CNOT11: variants seen among roughly 807,000 people sequenced by gnomAD.
The protein encoded by CNOT11 is CCR4-NOT transcription complex subunit 11.
In CNOT11, 18 loss-of-function variants were observed where a neutral mutation model predicts 44.6. The observed-to-expected ratio is 0.40, with a 90% CI of 0.28 to 0.60. CNOT11 has a LOEUF of 0.60. CNOT11 is among the 20% of genes least tolerant of loss of function. CNOT11 has a pLI of 0.38. For missense variants in CNOT11, 513 were observed against 677.0 expected (o/e 0.76, Z 2.69); for synonymous variants, 291 against 270.9 (o/e 1.07, Z -0.73).
chr2:101,267,319 C>T (rs1423971385), intron 5 of CNOT11, among the ~76,000 whole-genome samples: 7 of 151,998 alleles, frequency 4.6e-5, no homozygotes, highest in African/African-American at 9.7e-5. Context: ...GACGGGGTTT[C>T]GCCATGTTGG....
Position 101,269,313 on chromosome 2 carries a change from G to T in CNOT11, c.1433G>T (p.Cys478Phe). ...TTGTTTATAGAAGTGCAGGCATTCTGTATTGAATTCAGTAGGATACGAGAA... is the reference window on the plus strand; with the variant it reads ...TTGTTTATAGAAGTGCAGGCATTCTTTATTGAATTCAGTAGGATACGAGAA... ...QDLFIEVQAF[C>F]IEFSRIREAA... The change falls in exon 7 of 7, where the codon TGT becomes TTT. Residue 478 changes from cysteine to phenylalanine, a missense_variant. Around this residue, in one of 4 missense-constraint regions of CNOT11, gnomAD observed 87 missense variants for 185.4 expected, o/e 0.47. Transcript: ENST00000289382. This position sits in a 1 kb window ranked among gnomAD's most constrained non-coding sequence, Gnocchi z 4.8. 1 of 1,613,814 alleles carries T rather than the reference G, an allele frequency of 6.2e-7. No homozygotes were observed. The highest frequency in any genetic ancestry group is 8.5e-7 in the Non-Finnish European group (1 of 1,179,902).
intron 2 of CNOT11, among the ~76,000 whole-genome samples, chr2:101,261,932 C>T (rs1372729693): frequency 6.1e-5 from 9 of 148,104 alleles, no homozygotes; most frequent in East Asian, 2.0e-4. Context: ...CTGCAAGCTC[C>T]GCCTCCCGGG....
chr2:101,255,272 G>T (rs1681712711), intron 1 of CNOT11, among the ~76,000 whole-genome samples: 1 of 151,966 alleles, frequency 6.6e-6, no homozygotes, highest in African/African-American at 2.4e-5. Context: ...GAGGCGGGCG[G>T]ATCACAAGGT....
At chr2:101,263,036 A>T (rs1230841345) in intron 3 of CNOT11, among the ~76,000 whole-genome samples, 1 of 152,174 alleles carries the variant, frequency 6.6e-6, no homozygotes, top group Non-Finnish European at 1.5e-5. Flanking sequence ...AGCCTGGCCA[A>T]CATGGTGAAA....
chr2:101,261,832 GTTTC>G lies in CNOT11; in HGVS notation c.680-695_680-692del, dbSNP rs1349841606. On this transcript the variant is annotated intron_variant, in intron 2 of 6. Coordinates refer to ENST00000289382, the MANE Select transcript of CNOT11 (RefSeq NM_017546.5). ...GTTACTAGTCCATTTTTTCCTGTTGGTTTCTTTCTTTCTTTTTTTTTTTTTTTTT... is the reference window on the plus strand; with the variant it reads ...GTTACTAGTCCATTTTTTCCTGTTGGTTTCTTTCTTTTTTTTTTTTTTTTT... Among the ~76,000 whole-genome samples the G allele has an allele frequency of 1.1e-4, 15 of 138,474 alleles. No individual in the cohort carries two copies. In the South Asian group the frequency reaches 1.4e-3, roughly 13 times the overall value. 90.8% of individuals were successfully genotyped at this position (138,474 alleles called of 152,430 possible).
At position 101,269,228 on chromosome 2, in the gene CNOT11, C is replaced by T; in HGVS notation, c.1348C>T (p.Arg450Cys). The stretch of plus-strand genomic sequence containing the variant: ...TTTCCTTTTTCAGAATCGGTTGGTG[C>T]GTCTTGTGTGTGTGTTTCTCCAATC... ...KDKYMQNRLV[R>C]LVCVFLQSLI... is the part of the protein sequence containing the mutation. Residue 450 changes from arginine (R) to cysteine (C), a missense_variant, in exon 7 of 7, where the codon CGT (arginine) becomes TGT (cysteine). Physicochemically the swap from Arg to Cys is radical, Grantham distance 180 (BLOSUM62 -3). Transcript: ENST00000289382. This position sits in a 1 kb window ranked among gnomAD's most constrained non-coding sequence, Gnocchi z 4.8. The T allele has an allele frequency of 1.9e-6, 3 of 1,611,768 alleles. No individual in the cohort carries two copies. The highest frequency in any genetic ancestry group is 1.7e-6 in the Non-Finnish European group (2 of 1,179,022).
chr2:101,263,373 A>G (rs1370501127), intron 3 of CNOT11, among the ~76,000 whole-genome samples: 1 of 152,206 alleles, frequency 6.6e-6, no homozygotes, highest in Non-Finnish European at 1.5e-5. Flanking sequence ...CTTTAATTCA[A>G]AGAAAACACT....
chr2:101,263,896 ACT>A (rs1220545870), intron 3 of CNOT11, among the ~76,000 whole-genome samples: 2 of 152,202 alleles, frequency 1.3e-5, no homozygotes, highest in African/African-American at 4.8e-5. Context: ...CCTCGCAAGA[ACT>A]CTCTATCACA....
rs184429797 is a variant in CNOT11, at chr2:101,265,055, T to C, written c.1035+8T>C. ...TCTCCCCAACAAACACAGGTGTGTA[T>C]TGATTGTAAGCATTTTCTTATCTTT... On this transcript the variant is annotated splice_region_variant and intron_variant, in intron 4 of 6. Coordinates refer to ENST00000289382, the MANE Select transcript of CNOT11 (RefSeq NM_017546.5). 3.3e-6 allele frequency: 5 copies of C among 1,525,116 alleles called. No homozygotes were observed. The Admixed American group carries it at 1.0e-4, about 31-fold the overall frequency. The allele number at this position is 1,525,116 out of a possible 1,614,324, so 94.5% of individuals were successfully genotyped here. A position where few individuals can be genotyped will look rare whatever the true frequency, so the allele number is the denominator to read the frequency against.
chr2:101,266,948 T>C, intron 5 of CNOT11, 69 bp downstream of exon 5: 2 of 1,169,592 alleles, frequency 1.7e-6, no homozygotes, highest in South Asian at 1.3e-5. Flanking sequence ...AGAAAAATTG[T>C]AACAGATTTT....
chr2:101,267,215 T>C (rs774459993), intron 5 of CNOT11, among the ~76,000 whole-genome samples: 3 of 152,132 alleles, frequency 2.0e-5, no homozygotes, highest in Non-Finnish European at 4.4e-5. Flanking sequence ...CTCCACCCGC[T>C]GGGTTCAAGC....
intron 1 of CNOT11, among the ~76,000 whole-genome samples, chr2:101,257,090 T>G (rs1326129243): frequency 1.4e-5 from 2 of 145,182 alleles, no homozygotes; most frequent in African/African-American, 5.1e-5. Context: ...AATGTGAGAG[T>G]TAAAGAGGAA....
intron 4 of CNOT11, among the ~76,000 whole-genome samples, chr2:101,266,254 C>T (rs1681980256): frequency 6.6e-6 from 1 of 152,138 alleles, no homozygotes; most frequent in Non-Finnish European, 1.5e-5. Context: ...TTCTGGTCTC[C>T]ACCTGGGTGG....
Position 101,269,397 on chromosome 2 carries a change from C to A in CNOT11, c.1517C>A (p.Thr506Asn). Residue 506 changes from threonine (T) to asparagine (N), a missense_variant, in exon 7 of 7, where the codon ACC becomes AAC. Transcript: ENST00000289382. The surrounding 1 kb of genome is among the most constrained non-coding windows in gnomAD (Gnocchi z 4.8). ...GATACTGGGGAAACACCTTCTGAGA[C>A]CAAAATGTCAAAATAATACCTCATC... ...TLDTGETPSETKMSK is the reference protein window; with the variant it reads ...TLDTGETPSENKMSK 3 of 1,613,978 alleles carry A rather than the reference C, an allele frequency of 1.9e-6. No individual in the cohort carries two copies. Among genetic ancestry groups the A allele is most frequent in the African/African-American group, 1.3e-5 (1 of 75,040 alleles).
intron 2 of CNOT11, 139 bp from the exon 3 acceptor site, chr2:101,262,398 TAC>T: frequency 1.4e-6 from 1 of 707,752 alleles, no homozygotes; most frequent in Non-Finnish European, 2.4e-6. Context: ...CTGCTATACG[TAC>T]AGACATACAC....
intron 5 of CNOT11, among the ~76,000 whole-genome samples, chr2:101,267,243 C>T (rs1230763667): frequency 2.0e-5 from 3 of 152,104 alleles, no homozygotes; most frequent in African/African-American, 4.8e-5. Flanking sequence ...CTGCCTTAGC[C>T]GCCCTAGTAG....
chr2:101,265,760 G>A (rs1478003459), intron 4 of CNOT11, among the ~76,000 whole-genome samples: 3 of 152,094 alleles, frequency 2.0e-5, no homozygotes, highest in Non-Finnish European at 2.9e-5. Flanking sequence ...AGGGGAACCC[G>A]CCCCCATCAC....
At chr2:101,257,555 C>G (rs1321733816) in intron 1 of CNOT11, among the ~76,000 whole-genome samples, 7 of 152,092 alleles carry the variant, frequency 4.6e-5, no homozygotes, top group Non-Finnish European at 5.9e-5. Flanking sequence ...TTAACTCTTA[C>G]AGTTAACAAG....
At chr2:101,263,538 C>T (rs1321437943) in intron 3 of CNOT11, among the ~76,000 whole-genome samples, 1 of 152,194 alleles carries the variant, frequency 6.6e-6, no homozygotes, top group Non-Finnish European at 1.5e-5. Context: ...ATGCACCACT[C>T]TACCTGGCAT....
Sources: gnomAD v4.1 joint callset for allele counts (sites outside exome capture counted in the v4.1 genomes callset) on GRCh38, gnomAD v4.1.1 for gene constraint, gnomAD v4.1.1 regional missense constraint, Gnocchi (gnomAD v3.1) non-coding constraint, MANE v1.5 for transcripts, NCBI Gene and HGNC (gene_info 2026-07-23, HGNC 2026-07-21) for gene names.